Variants in E2F2 observed in about 807,000 individuals in gnomAD.
E2F2 encodes the protein transcription factor E2F2.
E2F2 carries 22 observed loss-of-function variants against 42.2 expected under a neutral mutation model. The ratio of observed to expected loss-of-function variants is 0.52; its 90% CI spans 0.37 to 0.74. E2F2 has a LOEUF of 0.74. E2F2 is among the 30% of genes least tolerant of loss of function. The pLI, the probability that E2F2 is intolerant of heterozygous loss-of-function variation, is 0.00. For missense variants in E2F2, 481 were observed against 557.8 expected, an observed-to-expected ratio of 0.86 and a Z score of 1.39; for synonymous variants, 248 against 251.6, an observed-to-expected ratio of 0.99 and a Z score of 0.13.
At chr1:23,510,794 G>A (rs1457562274) in intron 6 of E2F2, among the ~76,000 whole-genome samples, 4 of 152,180 alleles carry the variant, frequency 2.6e-5, no homozygotes, top group Non-Finnish European at 5.9e-5. Flanking sequence ...GGGCAGAGAG[G>A]GGAATGGGGA....
At position 23,530,541 on chromosome 1, in the gene E2F2, C is replaced by G. The variant is rs1643320905; in HGVS notation, c.252+1G>C. 5 of 1,609,578 alleles carry G rather than the reference C, an allele frequency of 3.1e-6. No homozygotes were observed. The highest frequency in any genetic ancestry group is 4.2e-6 in the Non-Finnish European group (5 of 1,178,264). On this transcript the variant is annotated splice_donor_variant, in intron 1 of 6. Transcript: ENST00000361729. LOFTEE classifies it high-confidence loss of function. The surrounding 1 kb of genome is among the most constrained non-coding windows in gnomAD (Gnocchi z 4.4). ...GAAGCGGTGGGGGCCCCCAGCATTA[C>G]CGGCAGCCGGCCTGCCGGCAGGCAT... is the stretch of plus-strand genomic sequence containing the variant.
downstream of E2F2, among the ~76,000 whole-genome samples, chr1:23,505,686 T>C (rs1271331899): frequency 1.3e-5 from 2 of 152,186 alleles, no homozygotes; most frequent in Non-Finnish European, 2.9e-5. Flanking sequence ...TAATTTATTT[T>C]ATTTTTTTAG....
Position 23,508,010 on chromosome 1 carries a change from TC to T in E2F2, c.*1869del, listed in dbSNP as rs1642834977. On this transcript the variant is annotated 3_prime_UTR_variant, in exon 7 of 7. Transcript: ENST00000361729. The stretch of plus-strand genomic sequence containing the variant: ...ACCACAAACGAGATCCTACACAGGG[TC>T]CCTGAGCATGCTGGACTTTAAGACG... 1 of 152,132 alleles carries T rather than the reference TC, an allele frequency of 6.6e-6. No homozygotes were observed. The highest frequency in any genetic ancestry group is 2.4e-5 in the African/African-American group (1 of 41,416). The allele number at this position is 152,132 out of a possible 1,614,324, so 9.4% of individuals were successfully genotyped here.
chr1:23,505,278 C>A (rs1642775853), downstream of E2F2, among the ~76,000 whole-genome samples: 2 of 152,298 alleles, frequency 1.3e-5, no homozygotes, highest in South Asian at 2.1e-4. Context: ...CAGAGAGGAG[C>A]CATGGATGGG....
chr1:23,530,961 C>G lies in E2F2; in HGVS notation c.-168G>C. 1 of 811,712 alleles carries G rather than the reference C, an allele frequency of 1.2e-6. No homozygotes were observed. Among genetic ancestry groups the G allele is most frequent in the South Asian group, 2.7e-5 (1 of 37,650 alleles). The allele number at this position is 811,712 out of a possible 1,614,324, so 50.3% of individuals were successfully genotyped here. A position where few individuals can be genotyped will look rare whatever the true frequency, so the allele number is the denominator to read the frequency against. ...GGACCCTCCCCTCCTGGCCCGCGGC[C>G]GAGCAGAGAGCAGCGCTTAGAGATC... is the stretch of plus-strand genomic sequence containing the variant. On this transcript the variant is annotated 5_prime_UTR_variant, in exon 1 of 7. Coordinates refer to ENST00000361729, the MANE Select transcript of E2F2 (RefSeq NM_004091.4). This position sits in a 1 kb window ranked among gnomAD's most constrained non-coding sequence, Gnocchi z 4.4.
chr1:23,520,295 CACAACT>C (rs1558247617), intron 4 of E2F2, among the ~76,000 whole-genome samples: 1 of 139,910 alleles, frequency 7.1e-6, no homozygotes, highest in Admixed American at 7.3e-5. Context: ...TCAGCAGGCA[CACAACT>C]ACATTACAAC....
intron 1 of E2F2, among the ~76,000 whole-genome samples, chr1:23,527,144 A>T (rs893080168): frequency 4.6e-5 from 7 of 152,236 alleles, no homozygotes; most frequent in African/African-American, 1.4e-4. Flanking sequence ...TTAGCTGGGA[A>T]ATCAGTTGAC....
chr1:23,527,897 A>C (rs1039014993), intron 1 of E2F2, among the ~76,000 whole-genome samples: 2 of 152,244 alleles, frequency 1.3e-5, no homozygotes, highest in Admixed American at 6.5e-5. Context: ...TAATCCCAGC[A>C]CTTTGGGAGG....
At chr1:23,510,696 A>C (rs1298507623) in intron 6 of E2F2, among the ~76,000 whole-genome samples, 1 of 152,226 alleles carries the variant, frequency 6.6e-6, no homozygotes, top group African/African-American at 2.4e-5. Flanking sequence ...GCCAATCACA[A>C]AAAAACAAAT....
chr1:23,520,243 CAAAAAA>C (rs66460864), intron 4 of E2F2, among the ~76,000 whole-genome samples: 5 of 78,868 alleles, frequency 6.3e-5, no homozygotes, highest in African/African-American at 4.1e-4. Flanking sequence ...GACTCTGTCT[CAAAAAA>C]AAAAAAAAAA....
intron 6 of E2F2, among the ~76,000 whole-genome samples, chr1:23,512,433 A>C (rs1394247119): frequency 6.6e-6 from 1 of 151,912 alleles, no homozygotes; most frequent in Non-Finnish European, 1.5e-5. Flanking sequence ...GGGCCCAAAG[A>C]AGTCCATTAA....
intron 6 of E2F2, among the ~76,000 whole-genome samples, chr1:23,512,257 T>C (rs1297910046): frequency 6.6e-6 from 1 of 152,016 alleles, no homozygotes; most frequent in Non-Finnish European, 1.5e-5. Context: ...GTTTGTCGGG[T>C]CTGCATGCTG....
In E2F2 at chr1:23,510,000, G is replaced by A; in HGVS notation, c.1194C>T (p.Ser398=). 1.2e-6 allele frequency: 2 copies of A among 1,613,734 alleles called. No individual in the cohort carries two copies. The highest frequency in any genetic ancestry group is 4.5e-5 in the East Asian group (2 of 44,870). The change falls in exon 7 of 7, where the codon TCC becomes TCT. Residue 398 remains serine, a synonymous_variant. Coordinates refer to ENST00000361729, the MANE Select transcript of E2F2 (RefSeq NM_004091.4). ...AGGATGGGGAGAAGCTGATCAGAGGGGAGCTGCACGCCAGGGTCGGGGACA... is the reference window on the plus strand; with the variant it reads ...AGGATGGGGAGAAGCTGATCAGAGGAGAGCTGCACGCCAGGGTCGGGGACA... ...QFLSPTLACS[S]PLISFSPSLD... is the part of the protein sequence containing the mutation.
intron 6 of E2F2, among the ~76,000 whole-genome samples, chr1:23,513,561 CATGTGTGTGTGTGTGTGTGT>C (rs1439673382): frequency 1.7e-4 from 20 of 115,936 alleles, no homozygotes; most frequent in African/African-American, 5.6e-4. Context: ...CAGCACGGAA[CATGTGTGTGTGTGTGTGTGT>C]GTGTGTGTGT....
At chr1:23,524,108 A>C (rs1054764446) in intron 2 of E2F2, among the ~76,000 whole-genome samples, 11 of 132,124 alleles carry the variant, frequency 8.3e-5, no homozygotes, top group African/African-American at 2.4e-4. Context: ...CAACAACAAA[A>C]AAAAACACAG....
chr1:23,526,125 C>T (rs1643246523), intron 1 of E2F2, among the ~76,000 whole-genome samples: 1 of 152,098 alleles, frequency 6.6e-6, no homozygotes, highest in Non-Finnish European at 1.5e-5. Context: ...GACCTGGAAA[C>T]CATCCAAACA....
intron 3 of E2F2, 137 bp downstream of exon 3, chr1:23,521,700 T>G: frequency 6.8e-7 from 1 of 1,468,018 alleles, no homozygotes; most frequent in Non-Finnish European, 9.0e-7. Flanking sequence ...TTGCTCTTGG[T>G]CCGCCTCAGC....
At chr1:23,506,208 CAG>C (rs1433133945), downstream of E2F2, among the ~76,000 whole-genome samples, 6 of 152,124 alleles carry the variant, frequency 3.9e-5, no homozygotes, top group African/African-American at 1.4e-4. Context: ...ATGGGGGAGA[CAG>C]AGTCAGGGCT....
In E2F2 at chr1:23,510,128, G is replaced by A; in HGVS notation, c.1066C>T (p.Pro356Ser). Residue 356 changes from proline (P) to serine (S), a missense_variant, in exon 7 of 7, where the codon CCC (proline) becomes TCC (serine). Pro to Ser is a moderately conservative substitution (Grantham distance 74). Coordinates refer to ENST00000361729, the MANE Select transcript of E2F2 (RefSeq NM_004091.4). Reference sequence around the variant, plus strand: ...GATGGAGGCGGTGGGGCCTGCTGGGGGGTTGGCGCTGGTGCTGGCACTGGA... The same window carrying A: ...GATGGAGGCGGTGGGGCCTGCTGGGAGGTTGGCGCTGGTGCTGGCACTGGA... ...ASSVPAPAPT[P>S]QQAPPPPSLV... 1 of 1,601,660 alleles carries A rather than the reference G, an allele frequency of 6.2e-7. No individual in the cohort carries two copies.
Sources: allele counts gnomAD v4.1 joint callset (sites outside exome capture counted in the v4.1 genomes callset), GRCh38; gene constraint gnomAD v4.1.1; non-coding constraint Gnocchi (gnomAD v3.1); transcripts MANE v1.5; gene names NCBI Gene and HGNC (gene_info 2026-07-23, HGNC 2026-07-21).